Variants in PDZD8 observed in about 807,000 individuals in gnomAD.
PDZD8 encodes the protein PDZ domain-containing protein 8.
PDZD8 carries 14 observed loss-of-function variants against 85.8 expected under a neutral mutation model. That is an observed-to-expected ratio of 0.16 (90% confidence interval 0.11 to 0.26). The LOEUF (loss-of-function observed/expected upper bound fraction) is 0.26. PDZD8 is among the 10% of genes least tolerant of loss of function. PDZD8 has a pLI of 1.00. For missense variants in PDZD8, 1,197 were observed against 1,424.3 expected (o/e 0.84, Z 2.57); for synonymous variants, 592 against 568.6 (o/e 1.04, Z -0.59).
In PDZD8 at chr10:117,374,462, G is replaced by C. The variant is rs1240537912; in HGVS notation, c.766C>G (p.Arg256Gly). The C allele has an allele frequency of 1.2e-6, 2 of 1,614,136 alleles. No individual in the cohort carries two copies. Among genetic ancestry groups the C allele is most frequent in the Admixed American group, 1.7e-5 (1 of 60,016 alleles). Reference sequence around the variant, plus strand: ...ATGGGCCGCCCTTCAAACTGGGAGCGCACCTCGAAGTCGATCAGCGGGTCT... The same window carrying C: ...ATGGGCCGCCCTTCAAACTGGGAGCCCACCTCGAAGTCGATCAGCGGGTCT... ...VEDPLIDFEV[R>G]SQFEGRPMPQ... Residue 256 changes from arginine to glycine, a missense_variant, in exon 1 of 5, where the codon CGC (arginine) becomes GGC (glycine). Physicochemically the swap from Arg to Gly is moderately radical, Grantham distance 125. This residue lies in a region of PDZD8 where 344 missense variants were observed against 453.6 expected (regional missense o/e 0.76). Transcript: ENST00000334464. The surrounding 1 kb of genome is among the most constrained non-coding windows in gnomAD (Gnocchi z 7.8).
At chr10:117,309,829 T>A (rs1844005728) in intron 3 of PDZD8, among the ~76,000 whole-genome samples, 1 of 152,168 alleles carries the variant, frequency 6.6e-6, no homozygotes, top group South Asian at 2.1e-4. Flanking sequence ...TCAGTCCCAT[T>A]TTATAGAATA....
intron 2 of PDZD8, among the ~76,000 whole-genome samples, chr10:117,320,240 A>G (rs1163528068): frequency 6.6e-6 from 1 of 152,134 alleles, no homozygotes; most frequent in Non-Finnish European, 1.5e-5. Context: ...GAGAATTTAC[A>G]TTCATTAAAG....
Position 117,284,737 on chromosome 10 carries a change from A to G in PDZD8, c.1996T>C (p.Ser666Pro). ...EVAKDVTSET[S>P]CPTKDSSDDR... is the part of the protein sequence containing the mutation. ...TCCGAACTGTCCTTAGTAGGGCAGG[A>G]AGTTTCTGAAGTGACATCTTTGGCC... Residue 666 changes from serine (S) to proline (P), a missense_variant, in exon 5 of 5, where the codon TCC becomes CCC. Ser to Pro is a moderately conservative substitution (Grantham distance 74). This residue lies in a region of PDZD8 where 263 missense variants were observed against 261.9 expected (regional missense o/e 1.00). Transcript: ENST00000334464. The G allele has an allele frequency of 6.2e-7, 1 of 1,614,184 alleles. No individual in the cohort carries two copies. The highest frequency in any genetic ancestry group is 1.3e-5 in the African/African-American group (1 of 75,048).
intron 1 of PDZD8, among the ~76,000 whole-genome samples, chr10:117,371,223 C>T (rs1379317560): frequency 6.6e-6 from 1 of 152,162 alleles, no homozygotes; most frequent in Non-Finnish European, 1.5e-5. Context: ...CTCACCCTGT[C>T]GCCCAGGCTG....
At chr10:117,373,541 T>C (rs1845229859) in intron 1 of PDZD8, among the ~76,000 whole-genome samples, 1 of 146,442 alleles carries the variant, frequency 6.8e-6, no homozygotes, top group African/African-American at 2.6e-5. Context: ...GCGGATTACT[T>C]GAGGTCAGGA....
In PDZD8 at chr10:117,284,887, C is replaced by T. The variant is rs533953403; in HGVS notation, c.1846G>A (p.Val616Ile). ...APNQAEPDVLVEKPEKVVPPP... is the reference protein window; with the variant it reads ...APNQAEPDVLIEKPEKVVPPP... Reference sequence around the variant, plus strand: ...GGCACCACCTTCTCTGGCTTTTCAACGAGAACATCTGGTTCTGCCTGATTT... The same window carrying T: ...GGCACCACCTTCTCTGGCTTTTCAATGAGAACATCTGGTTCTGCCTGATTT... The change falls in exon 5 of 5, where the codon GTT (valine) becomes ATT (isoleucine). Residue 616 changes from valine to isoleucine, a missense_variant. Physicochemically the swap from Val to Ile is conservative, Grantham distance 29 (BLOSUM62 3). Coordinates refer to ENST00000334464, the MANE Select transcript of PDZD8 (RefSeq NM_173791.5). 2.4e-5 allele frequency: 39 copies of T among 1,614,162 alleles called. No individual in the cohort carries two copies. Among genetic ancestry groups the T allele is most frequent in the South Asian group, 1.8e-4 (16 of 91,072 alleles).
intron 1 of PDZD8, among the ~76,000 whole-genome samples, chr10:117,360,403 A>G (rs1844976617): frequency 6.6e-6 from 1 of 152,100 alleles, no homozygotes; most frequent in Non-Finnish European, 1.5e-5. Context: ...CACATAGCTA[A>G]AAAAATGGGC....
At chr10:117,290,090 T>C in intron 4 of PDZD8, 96 bp downstream of exon 4, 1 of 1,076,990 alleles carries the variant, frequency 9.3e-7, no homozygotes. Context: ...CATATGCATA[T>C]TATAGAAATA....
chr10:117,290,959 T>TC (rs1216881453), intron 3 of PDZD8, among the ~76,000 whole-genome samples: 2 of 141,920 alleles, frequency 1.4e-5, no homozygotes, highest in Non-Finnish European at 3.0e-5. Context: ...AACCTCCACC[T>TC]CCCAGGCGCA....
chr10:117,370,564 G>A (rs1285737911), intron 1 of PDZD8, among the ~76,000 whole-genome samples: 2 of 152,124 alleles, frequency 1.3e-5, no homozygotes, highest in Admixed American at 6.5e-5. Flanking sequence ...AAACTAGGCC[G>A]GGCACAGCGG....
intron 2 of PDZD8, among the ~76,000 whole-genome samples, chr10:117,328,645 A>G (rs1204387009): frequency 6.6e-6 from 1 of 152,050 alleles, no homozygotes; most frequent in East Asian, 1.9e-4. Context: ...CTTACGAAAA[A>G]GTAACTTATG....
intron 1 of PDZD8, among the ~76,000 whole-genome samples, chr10:117,357,361 C>G (rs1844913629): frequency 6.6e-6 from 1 of 152,124 alleles, no homozygotes; most frequent in African/African-American, 2.4e-5. Context: ...CACCACTGCA[C>G]TCCAGCCTGG....
intron 1 of PDZD8, among the ~76,000 whole-genome samples, chr10:117,371,445 A>G (rs1384948209): frequency 2.0e-5 from 3 of 152,192 alleles, no homozygotes; most frequent in Non-Finnish European, 4.4e-5. Context: ...TCAGCCTTAC[A>G]AAGTGCTGGG....
Position 117,374,629 on chromosome 10 carries a change from C to A in PDZD8, c.599G>T (p.Gly200Val). ...CACGTCGATGGCCAGGTGGAAGCCC[C>A]CGTTGTACTCCACCTCCGCCTCGAA... ...LAFEAEVEYN[G>V]GFHLAIDVDL... The change falls in exon 1 of 5, where the codon GGG becomes GTG. Residue 200 changes from glycine (G) to valine (V), a missense_variant. By Grantham distance (109) the Gly-to-Val change is moderately radical (BLOSUM62 -3). Transcript: ENST00000334464. The surrounding 1 kb of genome is among the most constrained non-coding windows in gnomAD (Gnocchi z 7.8). 1 of 1,582,820 alleles carries A rather than the reference C, an allele frequency of 6.3e-7. No individual in the cohort carries two copies. The highest frequency in any genetic ancestry group is 8.6e-7 in the Non-Finnish European group (1 of 1,164,120).
intron 2 of PDZD8, among the ~76,000 whole-genome samples, chr10:117,330,429 G>A (rs1761853394): frequency 6.6e-6 from 1 of 152,180 alleles, no homozygotes; most frequent in African/African-American, 2.4e-5. Context: ...AGTCCTGGAA[G>A]GTAACTGTGT....
intron 1 of PDZD8, among the ~76,000 whole-genome samples, chr10:117,368,255 T>C (rs1845124451): frequency 6.6e-6 from 1 of 152,126 alleles, no homozygotes; most frequent in Non-Finnish European, 1.5e-5. Context: ...ATTCAACTTA[T>C]ACAGAGATAT....
chr10:117,343,088 G>A (rs1844644615), intron 1 of PDZD8, among the ~76,000 whole-genome samples: 1 of 152,122 alleles, frequency 6.6e-6, no homozygotes, highest in African/African-American at 2.4e-5. Context: ...TACCTGACGG[G>A]ATGTTTCACA....
intron 1 of PDZD8, among the ~76,000 whole-genome samples, chr10:117,352,519 T>G (rs1168742991): frequency 6.6e-6 from 1 of 152,192 alleles, no homozygotes; most frequent in African/African-American, 2.4e-5. Flanking sequence ...GAATCATATA[T>G]ACATATAGAT....
chr10:117,359,486 G>A (rs1330615046), intron 1 of PDZD8, among the ~76,000 whole-genome samples: 2 of 151,890 alleles, frequency 1.3e-5, no homozygotes, highest in African/African-American at 2.4e-5. Flanking sequence ...CGAGGCGGGC[G>A]ATCACTTGAG....
Sources: allele counts gnomAD v4.1 joint callset (sites outside exome capture counted in the v4.1 genomes callset), GRCh38; gene constraint gnomAD v4.1.1; regional missense constraint gnomAD v4.1.1; non-coding constraint Gnocchi (gnomAD v3.1); transcripts MANE v1.5; gene names NCBI Gene and HGNC (gene_info 2026-07-23, HGNC 2026-07-21).